Variants in FLVCR1 observed in about 807,000 individuals in gnomAD.
FLVCR1 encodes choline/ethanolamine transporter FLVCR1.
In FLVCR1, 34 loss-of-function variants were observed where a neutral mutation model predicts 53.6. The ratio of observed to expected loss-of-function variants is 0.63; its 90% CI spans 0.48 to 0.84. FLVCR1 has a LOEUF of 0.84. FLVCR1 is among the 40% of genes least tolerant of loss of function. FLVCR1 has a pLI of 0.00. For missense variants in FLVCR1, 677 were observed against 696.7 expected (o/e 0.97, Z 0.32); for synonymous variants, 300 against 286.3 (o/e 1.05, Z -0.48).
chr1:212,870,953 A>G (rs1026479483), intron 2 of FLVCR1, among the ~76,000 whole-genome samples: 3 of 152,100 alleles, frequency 2.0e-5, no homozygotes, highest in Non-Finnish European at 4.4e-5. Context: ...AATTTTTTGT[A>G]GAGACGGGGT....
chr1:212,875,197 C>A (rs1299418447), intron 3 of FLVCR1, among the ~76,000 whole-genome samples: 3 of 152,168 alleles, frequency 2.0e-5, no homozygotes, highest in Non-Finnish European at 4.4e-5. Flanking sequence ...TATATGATTT[C>A]TGCCCATAGG....
At chr1:212,873,871 G>A (rs1161181728) in intron 3 of FLVCR1, among the ~76,000 whole-genome samples, 5 of 151,496 alleles carry the variant, frequency 3.3e-5, no homozygotes, top group Non-Finnish European at 5.9e-5. Context: ...TTTTTTTTCA[G>A]TAGAAATTGC....
chr1:212,889,054 A>G, intron 7 of FLVCR1, 92 bp from the exon 8 acceptor site: 6 of 971,814 alleles, frequency 6.2e-6, no homozygotes, highest in Non-Finnish European at 9.5e-6. Flanking sequence ...ACCAAATCAT[A>G]TAACCAAAAT....
rs1665294923 is a variant in FLVCR1 at position 212,894,974 on chromosome 1, C to T, written c.1526-12C>T. The T allele has an allele frequency of 6.3e-7, 1 of 1,582,556 alleles. No homozygotes were observed. Among genetic ancestry groups the T allele is most frequent in the Non-Finnish European group, 8.7e-7 (1 of 1,151,442 alleles). ...TAACAGTTTATAGTAACTTGATGCC[C>T]CTCTGTTTCAGCATTAATCAAGTCT... On this transcript the variant is annotated splice_polypyrimidine_tract_variant and intron_variant, in intron 8 of 9. Transcript: ENST00000366971.
intron 1 of FLVCR1, among the ~76,000 whole-genome samples, chr1:212,860,350 G>GTGTTTTTTTTTTTTTTTTTTT (rs1664185756): frequency 3.5e-5 from 3 of 85,850 alleles, no homozygotes; most frequent in East Asian, 4.1e-4. Flanking sequence ...TGTGTGTGTG[G>GTGTTTTTTTTTTTTTTTTTTT]TTTTTTTTTT....
At chr1:212,865,907 CTGGG>C (rs1326883037) in intron 2 of FLVCR1, among the ~76,000 whole-genome samples, 2,364 of 70,976 alleles carry the variant, frequency 0.033, 183 homozygotes, top group Non-Finnish European at 0.047. Flanking sequence ...TCTCTGCCTC[CTGGG>C]TTCAAGCAGT....
In FLVCR1 at chr1:212,896,129, T is replaced by C. The variant is rs886045932; in HGVS notation, c.*839T>C. On this transcript the variant is annotated 3_prime_UTR_variant, in exon 10 of 10. Coordinates refer to ENST00000366971, the MANE Select transcript of FLVCR1 (RefSeq NM_014053.4). ...CCATTGCCTTTTTTTTCTTTTAAAC[T>C]CTCTTTTTTTTTTTTTCCTGATGTG... 6.9e-6 allele frequency: 1 copy of C among 144,244 alleles called. No individual in the cohort carries two copies. Among genetic ancestry groups the C allele is most frequent in the Non-Finnish European group, 1.5e-5 (1 of 66,654 alleles). The allele number at this position is 144,244 out of a possible 1,614,324, so 8.9% of individuals were successfully genotyped here. A position where few individuals can be genotyped will look rare whatever the true frequency, so the allele number is the denominator to read the frequency against.
rs1328448340 is a variant in FLVCR1, at chr1:212,865,115, T to TA, written c.883+1256dup. ...AAGTTTTAAAAGAAATTTGTATTCT[T>TA]AAAAAAAAAACACCAAAATTCTTTT... On this transcript the variant is annotated intron_variant, in intron 2 of 9. Transcript: ENST00000366971. Among the ~76,000 whole-genome samples the TA allele has an allele frequency of 4.4e-3, 630 of 143,824 alleles. 3 individuals carry two copies. Among genetic ancestry groups the TA allele is most frequent in the Middle Eastern group, 0.017 (5 of 286 alleles). 94.4% of individuals were successfully genotyped at this position (143,824 alleles called of 152,430 possible). A position where few individuals can be genotyped will look rare whatever the true frequency, so the allele number is the denominator to read the frequency against.
chr1:212,892,925 A>G (rs542777603), intron 8 of FLVCR1, among the ~76,000 whole-genome samples: 31 of 152,304 alleles, frequency 2.0e-4, no homozygotes, highest in Non-Finnish European at 4.3e-4. Flanking sequence ...TGAGGTGTTC[A>G]AGACTTCAGT....
In FLVCR1 at chr1:212,859,266, C is replaced by T. The variant is rs1050862828; in HGVS notation, c.738+76C>T. On this transcript the variant is annotated intron_variant, in intron 1 of 9. Coordinates refer to ENST00000366971, the MANE Select transcript of FLVCR1 (RefSeq NM_014053.4). ...AGTCATAGGCCGTGAGAACTATGGCCTGTATGGATGAACTGCCCCAGGAGG... is the reference window on the plus strand; with the variant it reads ...AGTCATAGGCCGTGAGAACTATGGCTTGTATGGATGAACTGCCCCAGGAGG... 12 of 1,598,502 alleles carry T rather than the reference C, an allele frequency of 7.5e-6. No homozygotes were observed. The African/African-American group carries it at 1.2e-4, about 16-fold the overall frequency.
At chr1:212,884,625 C>T (rs1191873951) in intron 4 of FLVCR1, among the ~76,000 whole-genome samples, 2 of 152,168 alleles carry the variant, frequency 1.3e-5, no homozygotes, top group African/African-American at 2.4e-5. Context: ...TAAAAGCTAT[C>T]GATTAACCTC....
At chr1:212,869,964 A>G (rs898090421) in intron 2 of FLVCR1, 5 of 152,272 alleles carry the variant, frequency 3.3e-5, no homozygotes, top group South Asian at 4.1e-4. Flanking sequence ...CCTTGTAAGC[A>G]TAGTTTTTAT....
rs1286986805 is a variant in FLVCR1 at position 212,883,552 on chromosome 1, A to T, written c.1092+114A>T. On this transcript the variant is annotated intron_variant, in intron 4 of 9. Coordinates refer to ENST00000366971, the MANE Select transcript of FLVCR1 (RefSeq NM_014053.4). ...GGTTATGACATTGTTGCTATCAAAT[A>T]TTTACATTTGTTTTAATTGAGAATA... The T allele has an allele frequency of 7.6e-6, 5 of 658,742 alleles. No homozygotes were observed. The Admixed American group carries it at 1.3e-4, about 17-fold the overall frequency. The allele number at this position is 658,742 out of a possible 1,614,324, so 40.8% of individuals were successfully genotyped here.
chr1:212,871,519 C>T (rs1005330879), intron 2 of FLVCR1, among the ~76,000 whole-genome samples: 2 of 152,138 alleles, frequency 1.3e-5, no homozygotes, highest in Non-Finnish European at 2.9e-5. Flanking sequence ...GATCCTGAAG[C>T]GATCCTCTCG....
chr1:212,889,467 TATAATA>T, intron 8 of FLVCR1, among the ~76,000 whole-genome samples: 1 of 152,134 alleles, frequency 6.6e-6, no homozygotes, highest in Non-Finnish European at 1.5e-5. Flanking sequence ...GCAAAACTGT[TATAATA>T]AGAGTAGTAA....
intron 2 of FLVCR1, among the ~76,000 whole-genome samples, chr1:212,867,961 G>A (rs746033026): frequency 9.0e-4 from 136 of 151,864 alleles, no homozygotes; most frequent in Non-Finnish European, 6.3e-4. Flanking sequence ...CCACCACCGC[G>A]CCCGGCTAAT....
chr1:212,887,837 G>A, intron 5 of FLVCR1, 54 bp from the exon 6 acceptor site: 1 of 922,726 alleles, frequency 1.1e-6, no homozygotes, highest in Non-Finnish European at 1.8e-6. Flanking sequence ...GATGATTTTT[G>A]TATTCCTAGG....
intron 2 of FLVCR1, chr1:212,870,208 C>T (rs1325207182): frequency 6.6e-6 from 1 of 152,256 alleles, no homozygotes. Flanking sequence ...AGTTATATCT[C>T]CTCTTTAATT....
rs1357134868 is a variant in FLVCR1, at chr1:212,897,364, A to G, written c.*2074A>G. 6.6e-6 allele frequency: 1 copy of G among 151,790 alleles called. No homozygotes were observed. The highest frequency in any genetic ancestry group is 6.6e-5 in the Admixed American group (1 of 15,196). 9.4% of individuals were successfully genotyped at this position (151,790 alleles called of 1,614,324 possible). A position where few individuals can be genotyped will look rare whatever the true frequency, so the allele number is the denominator to read the frequency against. ...TAAAAATACATACACACACACACACACACACAAATTAGCCGGGCATGGTGG... is the reference window on the plus strand; with the variant it reads ...TAAAAATACATACACACACACACACGCACACAAATTAGCCGGGCATGGTGG... On this transcript the variant is annotated 3_prime_UTR_variant, in exon 10 of 10. Coordinates refer to ENST00000366971, the MANE Select transcript of FLVCR1 (RefSeq NM_014053.4).
Sources: gnomAD v4.1 joint callset for allele counts (sites outside exome capture counted in the v4.1 genomes callset) on GRCh38, gnomAD v4.1.1 for gene constraint, MANE v1.5 for transcripts, NCBI Gene and HGNC (gene_info 2026-07-23, HGNC 2026-07-21) for gene names.